The following MSN variants were observed in gnomAD, a reference collection of about 807,000 sequenced individuals.
MSN encodes the protein moesin.
A neutral mutation model predicts 48.0 loss-of-function variants in MSN; 2 were observed. The observed-to-expected ratio is 0.04, with a 90% CI of 0.02 to 0.13. The LOEUF (loss-of-function observed/expected upper bound fraction) is 0.13, where lower values mean the gene tolerates loss of function less well. MSN is among the 10% of genes least tolerant of loss of function. The pLI is 1.00. For missense variants in MSN, 267 were observed against 470.1 expected (o/e 0.57, Z 3.99); for synonymous variants, 146 against 166.9 (o/e 0.87, Z 0.97).
At chrX:65,739,649 G>T in intron 12 of MSN, 80 bp from the exon 13 acceptor site, 1 of 1,039,992 alleles carries the variant, frequency 9.6e-7, no homozygotes, top group South Asian at 2.6e-5. Flanking sequence ...GGAAACAGAA[G>T]AGAAGGGAAG....
At chrX:65,669,136 A>G (rs1354057273) in intron 1 of MSN, among the ~76,000 whole-genome samples, 4 of 111,688 alleles carry the variant, frequency 3.6e-5, no homozygotes, top group African/African-American at 1.3e-4. Flanking sequence ...TTCACTGTCT[A>G]TCTCCTTTAA....
chrX:65,616,195 T>C (rs2070370057), intron 1 of MSN, among the ~76,000 whole-genome samples: 1 of 111,059 alleles, frequency 9.0e-6, no homozygotes, highest in African/African-American at 3.3e-5. Flanking sequence ...GTGGGCTCTT[T>C]TTTGGTTCCA....
intron 1 of MSN, among the ~76,000 whole-genome samples, chrX:65,629,650 G>A (rs1359614264): frequency 8.9e-6 from 1 of 111,909 alleles, no homozygotes; most frequent in East Asian, 2.8e-4. Context: ...TTACATGGTG[G>A]TGGCAAGAGC....
chrX:65,617,758 G>C (rs1254408252), intron 1 of MSN, among the ~76,000 whole-genome samples: 3 of 102,828 alleles, frequency 2.9e-5, no homozygotes, highest in Non-Finnish European at 5.9e-5. Context: ...GCTTTTGAAT[G>C]TGTTTGCTCT....
chrX:65,619,125 C>G (rs1293132303), intron 1 of MSN, among the ~76,000 whole-genome samples: 51 of 100,445 alleles, frequency 5.1e-4, no homozygotes, highest in Non-Finnish European at 2.2e-4. Context: ...ACCTTTCTCT[C>G]TGGCTGCCCT....
chrX:65,593,476 C>T, intron 1 of MSN: 1 of 112,361 alleles, frequency 8.9e-6, no homozygotes, highest in East Asian at 2.8e-4. Flanking sequence ...CTGGGAGAGG[C>T]TTGTGGGAAT....
chrX:65,693,493 T>G (rs1489574523), intron 1 of MSN, among the ~76,000 whole-genome samples: 1 of 111,725 alleles, frequency 9.0e-6, no homozygotes, highest in African/African-American at 3.3e-5. Context: ...TTATGAGTAG[T>G]CAATGAGTGA....
At chrX:65,732,244 G>A (rs969287990) in intron 6 of MSN, among the ~76,000 whole-genome samples, 4 of 112,019 alleles carry the variant, frequency 3.6e-5, no homozygotes, top group African/African-American at 1.3e-4. Context: ...ATTGAGATGT[G>A]CTGCTGTAAG....
chrX:65,629,642 A>C (rs2070538778), intron 1 of MSN, among the ~76,000 whole-genome samples: 1 of 112,001 alleles, frequency 8.9e-6, no homozygotes, highest in African/African-American at 3.2e-5. Context: ...GACACTTCTT[A>C]CATGGTGGTG....
At chrX:65,669,182 A>G (rs2070905575) in intron 1 of MSN, among the ~76,000 whole-genome samples, 2 of 111,243 alleles carry the variant, frequency 1.8e-5, no homozygotes, top group Non-Finnish European at 3.8e-5. Context: ...GCTTTTACAC[A>G]CTTTGTTCCC....
intron 1 of MSN, among the ~76,000 whole-genome samples, chrX:65,681,711 C>G (rs1340234991): frequency 1.8e-5 from 2 of 111,909 alleles, no homozygotes; most frequent in East Asian, 5.6e-4. Context: ...GCTGAGGATT[C>G]ATTCAGTGCA....
At chrX:65,685,617 A>G (rs1405091727) in intron 1 of MSN, among the ~76,000 whole-genome samples, 2 of 111,376 alleles carry the variant, frequency 1.8e-5, no homozygotes, top group East Asian at 2.8e-4. Flanking sequence ...TTTTTTTGAG[A>G]CAGAGTCTTG....
chrX:65,732,829 G>A (rs1207729545), intron 6 of MSN, among the ~76,000 whole-genome samples: 1 of 112,013 alleles, frequency 8.9e-6, no homozygotes, highest in Admixed American at 9.5e-5. Flanking sequence ...TGTACTATCA[G>A]GAGATCTTTA....
chrX:65,595,115 A>G lies in MSN; in HGVS notation c.-22+6503A>G, dbSNP rs939634291. Reference sequence around the variant, plus strand: ...CTCATGATTAGGTTCTCACTCTCACACTAAGGTCACTCCTTTTTTCTGCCC... The same window carrying G: ...CTCATGATTAGGTTCTCACTCTCACGCTAAGGTCACTCCTTTTTTCTGCCC... On this transcript the variant is annotated intron_variant, in intron 1 of 3. Coordinates refer to the MSN transcript ENST00000609672. 2.7e-5 allele frequency among the ~76,000 whole-genome samples: 3 copies of G among 111,757 alleles called. No homozygotes were observed. In the South Asian group the frequency reaches 1.1e-3, roughly 42 times the overall value.
chrX:65,640,355 A>G (rs1256791599), intron 1 of MSN, among the ~76,000 whole-genome samples: 1 of 111,622 alleles, frequency 9.0e-6, no homozygotes, highest in Non-Finnish European at 1.9e-5. Context: ...CCTGGCTAAC[A>G]TAGTGAAACC....
At chrX:65,657,491 C>T (rs1201510555) in intron 1 of MSN, among the ~76,000 whole-genome samples, 1 of 111,290 alleles carries the variant, frequency 9.0e-6, no homozygotes, top group African/African-American at 3.3e-5. Flanking sequence ...GAGATCCTGT[C>T]TATGGAGCCA....
At chrX:65,694,614 C>T (rs750671832) in intron 1 of MSN, among the ~76,000 whole-genome samples, 4 of 112,223 alleles carry the variant, frequency 3.6e-5, no homozygotes, top group Non-Finnish European at 5.6e-5. Flanking sequence ...CAGGCGTGAG[C>T]CACCACGCCC....
chrX:65,741,112 T>C lies in MSN; in HGVS notation c.*1219T>C. 5.9e-6 allele frequency: 1 copy of C among 170,272 alleles called. No individual in the cohort carries two copies. The highest frequency in any genetic ancestry group is 1.1e-5 in the Non-Finnish European group (1 of 88,294). 14.0% of individuals were successfully genotyped at this position (170,272 alleles called of 1,213,427 possible). On this transcript the variant is annotated 3_prime_UTR_variant, in exon 13 of 13. Transcript: ENST00000360270. Reference sequence around the variant, plus strand: ...AGAGGTGACTGGGCCCTGCCTCTGTTTGACAAACCTCTAACCCAGGTCTTG... The same window carrying C: ...AGAGGTGACTGGGCCCTGCCTCTGTCTGACAAACCTCTAACCCAGGTCTTG...
At chrX:65,642,134 C>CAAAA (rs1220561125) in intron 1 of MSN, among the ~76,000 whole-genome samples, 5 of 59,695 alleles carry the variant, frequency 8.4e-5, no homozygotes, top group Non-Finnish European at 1.2e-4. Flanking sequence ...AACTCCATCT[C>CAAAA]AAAAAAAAAA....
Sources: gnomAD v4.1 joint callset for allele counts (sites outside exome capture counted in the v4.1 genomes callset) on GRCh38, gnomAD v4.1.1 for gene constraint, MANE v1.5 for transcripts, NCBI Gene and HGNC (gene_info 2026-07-23, HGNC 2026-07-21) for gene names.